The following CWF19L1 variants were observed in gnomAD, a reference collection of about 807,000 sequenced individuals.
The protein encoded by CWF19L1 is CWF19 like cell cycle control factor 1.
In CWF19L1, 60 loss-of-function variants were observed where a neutral mutation model predicts 69.7. The observed-to-expected ratio is 0.86, with a 90% CI of 0.70 to 1.07. CWF19L1 has a LOEUF of 1.07. Among genes scored for constraint, CWF19L1 ranks in the 50% least tolerant of loss-of-function variants. The pLI is 0.00. For synonymous variants in CWF19L1, 209 were observed against 222.2 expected (o/e 0.94, Z 0.53); for missense variants, 591 against 638.9 (o/e 0.92, Z 0.81).
At chr10:100,234,382 ACAT>A (rs1302833144) in intron 13 of CWF19L1, among the ~76,000 whole-genome samples, 14 of 152,378 alleles carry the variant, frequency 9.2e-5, no homozygotes, top group Non-Finnish European at 1.6e-4. Context: ...TATTGAAAAT[ACAT>A]CATAAGCACA....
In CWF19L1 at chr10:100,238,083, C is replaced by T. The variant is rs371622443; in HGVS notation, c.1193G>A (p.Ser398Asn). The stretch of plus-strand genomic sequence containing the variant: ...AAATACAACACACCATTTCCCTCGA[C>T]TCTTAAAGAACCGTCTCAGAGTGGC... ...YKATLRRFFK[S>N]RGKWCVVFER... The change falls in exon 11 of 14, where the codon AGT becomes AAT. Residue 398 changes from serine (S) to asparagine (N), a missense_variant. Transcript: ENST00000354105. The T allele has an allele frequency of 1.6e-5, 26 of 1,614,232 alleles. No individual in the cohort carries two copies. The highest frequency in any genetic ancestry group is 2.1e-5 in the Non-Finnish European group (25 of 1,180,042).
At position 100,260,988 on chromosome 10, in the gene CWF19L1, C is replaced by T. The variant is rs1208337283; in HGVS notation, c.165G>A (p.Glu55=). ...FGSTQDAEWE[E]YKTGIKKAPI... ...TACCTTTCTTGATGCCAGTCTTATA[C>T]TCCTCCCATTCAGCATCTTGGGTGG... Residue 55 remains glutamate (E), a synonymous_variant, in exon 3 of 14, where the codon GAG becomes GAA. Transcript: ENST00000354105. The T allele has an allele frequency of 5.6e-6, 9 of 1,610,972 alleles. No individual in the cohort carries two copies. Among genetic ancestry groups the T allele is most frequent in the Non-Finnish European group, 7.6e-6 (9 of 1,177,850 alleles).
chr10:100,245,703 G>T, intron 9 of CWF19L1, 96 bp downstream of exon 9: 1 of 858,044 alleles, frequency 1.2e-6, no homozygotes, highest in Non-Finnish European at 1.9e-6. Context: ...ATTCTCCCCT[G>T]CCAGAAGAGG....
intron 6 of CWF19L1, among the ~76,000 whole-genome samples, chr10:100,250,781 A>G (rs917382171): frequency 3.3e-5 from 5 of 152,008 alleles, no homozygotes; most frequent in Non-Finnish European, 7.4e-5. Flanking sequence ...CTCTGTCTCT[A>G]CAAAAAAAAT....
At chr10:100,260,406 T>C (rs1331083393) in intron 3 of CWF19L1, 87 bp from the exon 4 acceptor site, 26 of 704,312 alleles carry the variant, frequency 3.7e-5, no homozygotes, top group Admixed American at 3.4e-4. Context: ...AAAATACTTA[T>C]ATTAAAAGTA....
chr10:100,236,811 T>C (rs1846455151), intron 12 of CWF19L1, 39 bp downstream of exon 12: 1 of 1,547,746 alleles, frequency 6.5e-7, no homozygotes, highest in African/African-American at 1.4e-5. Context: ...AAAAAACAGA[T>C]ATTTACTCTT....
chr10:100,235,341 G>A (rs559581465), intron 13 of CWF19L1, among the ~76,000 whole-genome samples: 118 of 152,288 alleles, frequency 7.7e-4, no homozygotes, highest in African/African-American at 2.7e-3. Flanking sequence ...TAGCACTTCT[G>A]GCTAGAATGC....
chr10:100,247,710 C>T (rs1193678786), intron 7 of CWF19L1, among the ~76,000 whole-genome samples: 5 of 152,170 alleles, frequency 3.3e-5, no homozygotes, highest in Admixed American at 6.6e-5. Flanking sequence ...GCCCGACCAA[C>T]ATGGAGAAAT....
rs923106647 is a variant in CWF19L1 at position 100,233,135 on chromosome 10, G to A, written c.*92C>T. 2.2e-5 allele frequency: 29 copies of A among 1,326,806 alleles called. 1 individual carries two copies. The highest frequency in any genetic ancestry group is 2.8e-4 in the Middle Eastern group (1 of 3,552). The allele number at this position is 1,326,806 out of a possible 1,614,324, so 82.2% of individuals were successfully genotyped here. A position where few individuals can be genotyped will look rare whatever the true frequency, so the allele number is the denominator to read the frequency against. ...TGCAATCCTGCTTGGGTGACAGAGC[G>A]AGACTTTGTCTCAAAAAAAATTCTT... On this transcript the variant is annotated 3_prime_UTR_variant, in exon 14 of 14. Transcript: ENST00000354105.
chr10:100,256,622 T>G, intron 4 of CWF19L1, 146 bp from the exon 5 acceptor site: 1 of 651,190 alleles, frequency 1.5e-6, no homozygotes, highest in African/African-American at 1.8e-5. Context: ...CCCTTCTGGC[T>G]GCTAGGCATC....
At chr10:100,243,224 A>G (rs940681625) in intron 10 of CWF19L1, among the ~76,000 whole-genome samples, 6 of 152,174 alleles carry the variant, frequency 3.9e-5, no homozygotes, top group Non-Finnish European at 8.8e-5. Context: ...AACAACCCAA[A>G]CGTCCATCAG....
intron 10 of CWF19L1, among the ~76,000 whole-genome samples, chr10:100,238,857 G>A (rs956852392): frequency 1.1e-4 from 16 of 150,628 alleles, no homozygotes; most frequent in Admixed American, 1.0e-3. Flanking sequence ...GCTTGAACCC[G>A]GGAGGCAGAG....
rs996205907 is a variant in CWF19L1, at chr10:100,236,718, C to T, written c.1374+132G>A. 4.5e-6 allele frequency: 5 copies of T among 1,102,668 alleles called. No individual in the cohort carries two copies. In the Admixed American group the frequency reaches 8.1e-5, roughly 18 times the overall value. 68.3% of individuals were successfully genotyped at this position (1,102,668 alleles called of 1,614,324 possible). A position where few individuals can be genotyped will look rare whatever the true frequency, so the allele number is the denominator to read the frequency against. On this transcript the variant is annotated intron_variant, in intron 12 of 13. Coordinates refer to ENST00000354105, the MANE Select transcript of CWF19L1 (RefSeq NM_018294.6). ...CCGGAAGGCGGAGGTTGCAGTGAGC[C>T]AAGATCATGCCACTGCACTCCAACC...
At position 100,256,302 on chromosome 10, in the gene CWF19L1, G is replaced by T; in HGVS notation, c.464C>A (p.Ser155Tyr). 1.2e-6 allele frequency: 2 copies of T among 1,614,136 alleles called. No individual in the cohort carries two copies. The highest frequency in any genetic ancestry group is 1.7e-6 in the Non-Finnish European group (2 of 1,179,992). ...QFKGVDILLT[S>Y]PWPKCVGNFG... ...GTTCCCCACACACTTGGGCCATGGG[G>T]ATGTGAGCAAGATATCAACACCCTT... is the stretch of plus-strand genomic sequence containing the variant. The change falls in exon 5 of 14, where the codon TCC (serine) becomes TAC (tyrosine). Residue 155 changes from serine (S) to tyrosine (Y), a missense_variant. Around this residue, in one of 3 missense-constraint regions of CWF19L1, gnomAD observed 458 missense variants for 489.3 expected, o/e 0.94. Coordinates refer to ENST00000354105, the MANE Select transcript of CWF19L1 (RefSeq NM_018294.6).
chr10:100,239,298 C>T (rs1042542214), intron 10 of CWF19L1, among the ~76,000 whole-genome samples: 1 of 152,180 alleles, frequency 6.6e-6, no homozygotes, highest in African/African-American at 2.4e-5. Flanking sequence ...TGAGTGAGCA[C>T]AGAAGGGCCC....
At chr10:100,243,930 C>G (rs1846719248) in intron 9 of CWF19L1, among the ~76,000 whole-genome samples, 153 bp from the exon 10 acceptor site, 4 of 152,184 alleles carry the variant, frequency 2.6e-5, no homozygotes, top group Admixed American at 2.0e-4. Flanking sequence ...TCACTACGAC[C>G]CCCTATGAAC....
chr10:100,266,834 TTTTTGTTTG>T (rs1407630633), intron 1 of CWF19L1, among the ~76,000 whole-genome samples: 4 of 140,524 alleles, frequency 2.8e-5, no homozygotes, highest in Non-Finnish European at 5.9e-5. Flanking sequence ...TTTGTATTGT[TTTTTGTTTG>T]TTTTGTTTTG....
chr10:100,251,031 C>T (rs1373265351), intron 6 of CWF19L1, among the ~76,000 whole-genome samples: 1 of 151,976 alleles, frequency 6.6e-6, no homozygotes, highest in African/African-American at 2.4e-5. Context: ...ACGGTTCAAC[C>T]ATGTTGTAGC....
rs949111844 is a variant in CWF19L1, at chr10:100,252,700, G to A, written c.623+721C>T. On this transcript the variant is annotated intron_variant, in intron 6 of 13. Transcript: ENST00000354105. ...ATACAAAAAAACTTAGCCGGACGTG[G>A]TGGCACGCACCTGTAATCCTAGCTA... is the stretch of plus-strand genomic sequence containing the variant. Among the ~76,000 whole-genome samples, 32 of 151,444 alleles carry A rather than the reference G, an allele frequency of 2.1e-4. 1 individual carries two copies.
Sources: allele counts gnomAD v4.1 joint callset (sites outside exome capture counted in the v4.1 genomes callset), GRCh38; gene constraint gnomAD v4.1.1; regional missense constraint gnomAD v4.1.1; transcripts MANE v1.5; gene names NCBI Gene and HGNC (gene_info 2026-07-23, HGNC 2026-07-21).